Variants in RNF150 observed in about 807,000 individuals in gnomAD.
RNF150 encodes the protein ring finger protein 150.
In RNF150, 24 loss-of-function variants were observed where a neutral mutation model predicts 39.3. That is an observed-to-expected ratio of 0.61 (90% CI 0.44 to 0.86). RNF150 has a LOEUF of 0.86. Ranked by LOEUF, RNF150 falls within the 40% of genes least tolerant of loss-of-function variation. The probability of loss-of-function intolerance (pLI) is 0.00; values close to 1 mark genes in which losing one functional copy is unlikely to be tolerated. For synonymous variants in RNF150, 255 were observed against 227.3 expected, an observed-to-expected ratio of 1.12 and a Z score of -1.10; for missense variants, 502 against 587.8, an observed-to-expected ratio of 0.85 and a Z score of 1.51.
chr4:140,999,985 AAAGAAGAAAAGAAGAAGAAGAAGAAGAAG>A (rs1734553019), intron 1 of RNF150, among the ~76,000 whole-genome samples: 1 of 38,952 alleles, frequency 2.6e-5, no homozygotes, highest in African/African-American at 7.6e-5. Flanking sequence ...GAAAAGAAGA[AAAGAAGAAAAGAAGAAGAAGAAGAAGAAG>A]AAGAAGAAGA....
At chr4:141,002,758 A>G (rs28594770) in intron 1 of RNF150, among the ~76,000 whole-genome samples, 3,499 of 152,196 alleles carry the variant, frequency 0.023, 117 homozygotes, top group African/African-American at 0.072. Context: ...GCCTGGGCAA[A>G]ATGACCTGTG....
chr4:141,178,739 G>A (rs886082186), intron 1 of RNF150, among the ~76,000 whole-genome samples: 2 of 149,240 alleles, frequency 1.3e-5, no homozygotes, highest in Non-Finnish European at 1.5e-5. Flanking sequence ...GCTAGTTCAT[G>A]TTCTCCAACT....
intron 1 of RNF150, among the ~76,000 whole-genome samples, chr4:141,165,038 G>A (rs972857250): frequency 5.9e-5 from 9 of 152,136 alleles, no homozygotes; most frequent in African/African-American, 2.2e-4. Context: ...CCAGCGTGCT[G>A]TATTCAGGAG....
In RNF150 at chr4:140,892,896, TA is replaced by T. The variant is rs1003210033; in HGVS notation, c.1198+18247del. On this transcript the variant is annotated intron_variant, in intron 6 of 6. Coordinates refer to ENST00000515673, the MANE Select transcript of RNF150 (RefSeq NM_020724.2). ...GGCAACATAGTGAGACCCCATCTCT[TA>T]AAAAAAAAATAAGCTAAAAGATTAG... Among the ~76,000 whole-genome samples, 365 of 95,654 alleles carry T rather than the reference TA, an allele frequency of 3.8e-3. 5 individuals are homozygous for T. Among genetic ancestry groups the T allele is most frequent in the African/African-American group, 0.01 (260 of 25,772 alleles). 62.8% of individuals were successfully genotyped at this position (95,654 alleles called of 152,430 possible).
At chr4:141,129,642 G>T (rs189451601) in intron 1 of RNF150, among the ~76,000 whole-genome samples, 203 of 152,278 alleles carry the variant, frequency 1.3e-3, no homozygotes, top group African/African-American at 4.5e-3. Context: ...GTTATACTGG[G>T]GAGGAAAGTG....
At chr4:140,885,179 C>T (rs538448016) in intron 6 of RNF150, among the ~76,000 whole-genome samples, 3 of 148,564 alleles carry the variant, frequency 2.0e-5, no homozygotes, top group Admixed American at 2.0e-4. Context: ...TTTAGTTTCT[C>T]TACATTTTTT....
intron 1 of RNF150, among the ~76,000 whole-genome samples, chr4:141,054,518 T>C (rs1736895278): frequency 6.6e-6 from 1 of 152,106 alleles, no homozygotes; most frequent in Non-Finnish European, 1.5e-5. Context: ...ACACTTAGCC[T>C]GGAGTGTGAT....
intron 1 of RNF150, among the ~76,000 whole-genome samples, chr4:141,113,018 G>A (rs989072164): frequency 2.0e-5 from 3 of 151,644 alleles, no homozygotes; most frequent in African/African-American, 4.9e-5. Flanking sequence ...GATCTATTTG[G>A]CTATTGATAC....
At chr4:140,933,080 C>T (rs899324107) in intron 4 of RNF150, among the ~76,000 whole-genome samples, 1 of 152,134 alleles carries the variant, frequency 6.6e-6, no homozygotes, top group African/African-American at 2.4e-5. Flanking sequence ...TTGTATAGTG[C>T]TTCATTAGTA....
chr4:140,980,527 C>T (rs1382744215), intron 1 of RNF150, among the ~76,000 whole-genome samples: 1 of 152,080 alleles, frequency 6.6e-6, no homozygotes, highest in Non-Finnish European at 1.5e-5. Context: ...CCCCAGATCT[C>T]ATCTTGAATT....
chr4:141,078,568 A>G lies in RNF150; in HGVS notation c.484+53757T>C, dbSNP rs545441233. Among the ~76,000 whole-genome samples, 119 of 151,646 alleles carry G rather than the reference A, an allele frequency of 7.8e-4. 2 individuals are homozygous for G. The highest frequency in any genetic ancestry group is 1.7e-3 in the South Asian group (8 of 4,786). On this transcript the variant is annotated intron_variant, in intron 1 of 6. Coordinates refer to ENST00000515673, the MANE Select transcript of RNF150 (RefSeq NM_020724.2). ...GGAGGTCAAGGTGGGCAGATCACGA[A>G]GTCAGGAGATAGACCATCCTGGCCA...
chr4:140,911,461 G>GTT, intron 5 of RNF150, 107 bp from the exon 6 acceptor site: 1 of 876,586 alleles, frequency 1.1e-6, no homozygotes. Context: ...GTTCTTTATT[G>GTT]TTTACTTCTT....
At chr4:141,036,522 G>A (rs1736153599) in intron 1 of RNF150, among the ~76,000 whole-genome samples, 1 of 152,108 alleles carries the variant, frequency 6.6e-6, no homozygotes, top group Admixed American at 6.6e-5. Flanking sequence ...TATACTCACG[G>A]AACGACTCCA....
In RNF150 at chr4:140,863,210, G is replaced by T. The variant is rs1480950997; in HGVS notation, c.*5051C>A. 1 of 152,224 alleles carries T rather than the reference G, an allele frequency of 6.6e-6. No individual in the cohort carries two copies. Among genetic ancestry groups the T allele is most frequent in the Non-Finnish European group, 1.5e-5 (1 of 68,056 alleles). The allele number at this position is 152,224 out of a possible 1,614,324, so 9.4% of individuals were successfully genotyped here. The stretch of plus-strand genomic sequence containing the variant: ...AGAAATCCTAACCCTGGGGGCTCAG[G>T]CGAATGAGGAGGGTCAAATGCTGAG... On this transcript the variant is annotated 3_prime_UTR_variant, in exon 7 of 7. Transcript: ENST00000515673.
At chr4:141,074,382 T>C (rs1314628970) in intron 1 of RNF150, among the ~76,000 whole-genome samples, 1 of 150,832 alleles carries the variant, frequency 6.6e-6, no homozygotes, top group Non-Finnish European at 1.5e-5. Flanking sequence ...CCAGAATTCT[T>C]CTTGACAGAA....
At chr4:141,115,270 A>G (rs1739515878) in intron 1 of RNF150, among the ~76,000 whole-genome samples, 2 of 152,212 alleles carry the variant, frequency 1.3e-5, no homozygotes, top group Non-Finnish European at 2.9e-5. Flanking sequence ...AATCTCCTTA[A>G]GCTGATAAGC....
At chr4:141,014,456 C>G (rs1283007507) in intron 1 of RNF150, among the ~76,000 whole-genome samples, 1 of 152,224 alleles carries the variant, frequency 6.6e-6, no homozygotes, top group Non-Finnish European at 1.5e-5. Context: ...TACATTCCCA[C>G]CAATAATGTA....
intron 1 of RNF150, among the ~76,000 whole-genome samples, chr4:141,056,001 G>C (rs1293972121): frequency 5.5e-4 from 84 of 152,178 alleles, no homozygotes; most frequent in Non-Finnish European, 4.4e-5. Context: ...TAACATGCCA[G>C]AGCAGTACAT....
chr4:141,152,996 T>C (rs1220310868), intron 1 of RNF150, among the ~76,000 whole-genome samples: 1 of 152,296 alleles, frequency 6.6e-6, no homozygotes, highest in East Asian at 1.9e-4. Context: ...CTGGCAGTGT[T>C]TTTGAGTTAC....
Sources: gnomAD v4.1 joint callset for allele counts (sites outside exome capture counted in the v4.1 genomes callset) on GRCh38, gnomAD v4.1.1 for gene constraint, MANE v1.5 for transcripts, NCBI Gene and HGNC (gene_info 2026-07-23, HGNC 2026-07-21) for gene names.